The following FLNB variants were observed in gnomAD, a reference collection of about 807,000 sequenced individuals.
The protein encoded by FLNB is filamin B.
In FLNB, 111 loss-of-function variants were observed where a neutral mutation model predicts 250.6. That is an observed-to-expected ratio of 0.44 (90% CI 0.38 to 0.52). The LOEUF (loss-of-function observed/expected upper bound fraction) is 0.52, where lower values mean the gene tolerates loss of function less well. Among genes scored for constraint, FLNB ranks in the 20% least tolerant of loss-of-function variants. The pLI is 0.00. For missense variants in FLNB, 2,869 were observed against 3,447.8 expected (o/e 0.83, Z 4.20); for synonymous variants, 1,302 against 1,372.1 (o/e 0.95, Z 1.13).
At position 58,027,301 on chromosome 3, in the gene FLNB, C is replaced by T. The variant is rs945180223; in HGVS notation, c.292+18445C>T. Among the ~76,000 whole-genome samples the T allele has an allele frequency of 3.4e-5, 5 of 145,722 alleles. No individual in the cohort carries two copies. The Admixed American group carries it at 3.5e-4, about 10-fold the overall frequency. ...CTGAGTAGCTGGGATTACAGGCGTGCACCACTATGCCCAGCTAATTCTTTT... is the reference window on the plus strand; with the variant it reads ...CTGAGTAGCTGGGATTACAGGCGTGTACCACTATGCCCAGCTAATTCTTTT... On this transcript the variant is annotated intron_variant, in intron 1 of 45. Transcript: ENST00000295956.
At position 58,107,011 on chromosome 3, in the gene FLNB, ATTTG is replaced by A. The variant is rs543270582; in HGVS notation, c.1941+170_1941+173del. ...GATTTTAGGAAGGAAACAGGCCTGC[ATTTG>A]TTTGTTTGTTTGTTTGTTTGTTTGT... On this transcript the variant is annotated intron_variant, in intron 12 of 45. Transcript: ENST00000295956. The A allele has an allele frequency of 3.9e-3, 2,789 of 721,082 alleles. 9 individuals carry two copies. Among genetic ancestry groups the A allele is most frequent in the Middle Eastern group, 0.013 (36 of 2,732 alleles). 44.7% of individuals were successfully genotyped at this position (721,082 alleles called of 1,614,324 possible).
chr3:58,153,498 T>A lies in FLNB; in HGVS notation c.6491T>A (p.Val2164Glu). ...CGGTTTGTGCCCCAGGAGATGGGCGTGCACACGGTCAGCGTCAAGTACCGT... is the reference window on the plus strand; with the variant it reads ...CGGTTTGTGCCCCAGGAGATGGGCGAGCACACGGTCAGCGTCAAGTACCGT... ...CVRFVPQEMG[V>E]HTVSVKYRGQ... The change falls in exon 39 of 46, where the codon GTG becomes GAG. Residue 2164 changes from valine to glutamate, a missense_variant. Val to Glu is a moderately radical substitution (Grantham distance 121). Transcript: ENST00000295956. 6.2e-7 allele frequency: 1 copy of A among 1,614,218 alleles called. No homozygotes were observed. Among genetic ancestry groups the A allele is most frequent in the South Asian group, 1.1e-5 (1 of 91,088 alleles).
At chr3:58,044,690 T>TG (rs2097151020) in intron 1 of FLNB, among the ~76,000 whole-genome samples, 1 of 152,174 alleles carries the variant, frequency 6.6e-6, no homozygotes, top group African/African-American at 2.4e-5. Context: ...GCTAGGAAGA[T>TG]ATCAGCTGAA....
At chr3:58,145,882 A>C (rs774287088) in intron 32 of FLNB, 39 bp from the exon 33 acceptor site, 1 of 1,613,886 alleles carries the variant, frequency 6.2e-7, no homozygotes, top group Non-Finnish European at 8.5e-7. Flanking sequence ...TTCACCCCTT[A>C]ATGAGCACCA....
intron 12 of FLNB, among the ~76,000 whole-genome samples, chr3:58,108,178 G>A (rs2097262853): frequency 6.6e-6 from 1 of 152,178 alleles, no homozygotes; most frequent in African/African-American, 2.4e-5. Context: ...TTACAAATTT[G>A]TGTTGGGCTG....
chr3:58,110,914 C>T (rs1300513154), intron 16 of FLNB, among the ~76,000 whole-genome samples: 1 of 152,180 alleles, frequency 6.6e-6, no homozygotes, highest in Non-Finnish European at 1.5e-5. Flanking sequence ...CTTGAGAACA[C>T]TGCTCAATCG....
rs964896876 is a variant in FLNB at position 58,169,066 on chromosome 3, C to T, written c.7417+408C>T. Reference sequence around the variant, plus strand: ...ATACCAAACTATGAAAACCACTTCACAGCCACCACCCAAGGTAACCACCAT... The same window carrying T: ...ATACCAAACTATGAAAACCACTTCATAGCCACCACCCAAGGTAACCACCAT... On this transcript the variant is annotated intron_variant, in intron 44 of 45. Transcript: ENST00000295956. The surrounding 1 kb of genome is among the most constrained non-coding windows in gnomAD (Gnocchi z 4.8). 6.6e-6 allele frequency: 2 copies of T among 303,238 alleles called. No homozygotes were observed. The highest frequency in any genetic ancestry group is 2.2e-5 in the African/African-American group (1 of 46,038). 18.8% of individuals were successfully genotyped at this position (303,238 alleles called of 1,614,324 possible).
chr3:58,068,489 G>A (rs2097189255), intron 1 of FLNB, among the ~76,000 whole-genome samples: 1 of 152,198 alleles, frequency 6.6e-6, no homozygotes, highest in Non-Finnish European at 1.5e-5. Flanking sequence ...TCCTTAACCT[G>A]CTGTCTGGGG....
chr3:58,125,078 G>A (rs1012631887), intron 22 of FLNB, among the ~76,000 whole-genome samples: 3 of 152,130 alleles, frequency 2.0e-5, no homozygotes, highest in African/African-American at 7.2e-5. Context: ...TTATGTGACT[G>A]CAGATAGACG....
chr3:58,096,064 C>T, intron 5 of FLNB, 77 bp from the exon 6 acceptor site: 4 of 1,164,666 alleles, frequency 3.4e-6, no homozygotes, highest in Non-Finnish European at 5.1e-6. Context: ...GCAGCTCCTG[C>T]AGAACCCCTG....
In FLNB at chr3:58,164,462, C is replaced by T. The variant is rs1004628859; in HGVS notation, c.7198+1132C>T. The T allele has an allele frequency of 1.3e-5, 2 of 152,292 alleles. No individual in the cohort carries two copies. The highest frequency in any genetic ancestry group is 4.8e-5 in the African/African-American group (2 of 41,442). The allele number at this position is 152,292 out of a possible 1,614,324, so 9.4% of individuals were successfully genotyped here. A position where few individuals can be genotyped will look rare whatever the true frequency, so the allele number is the denominator to read the frequency against. On this transcript the variant is annotated intron_variant, in intron 43 of 45. Coordinates refer to ENST00000295956, the MANE Select transcript of FLNB (RefSeq NM_001457.4). The surrounding 1 kb of genome is among the most constrained non-coding windows in gnomAD (Gnocchi z 4.0). ...TGAGTCTCTTGTGTGTGTACCCCCA[C>T]CCCGCATAAGGAGAGTGGGATGGAG...
At chr3:58,026,033 C>T (rs757359663) in intron 1 of FLNB, among the ~76,000 whole-genome samples, 1 of 152,222 alleles carries the variant, frequency 6.6e-6, no homozygotes, top group Admixed American at 6.5e-5. Flanking sequence ...GCTTGGTAAA[C>T]GTCAGCTGCT....
intron 33 of FLNB, 124 bp downstream of exon 33, chr3:58,146,173 C>T: frequency 8.9e-7 from 1 of 1,123,280 alleles, no homozygotes. Context: ...TGTCTTTTCT[C>T]TCGTGTAAAT....
chr3:58,016,065 T>A (rs2097105323), intron 1 of FLNB, among the ~76,000 whole-genome samples: 2 of 151,864 alleles, frequency 1.3e-5, no homozygotes, highest in Non-Finnish European at 2.9e-5. Context: ...TGTTTGTTTT[T>A]TTTTTTGAGT....
At chr3:58,093,529 A>G (rs978395276) in intron 4 of FLNB, among the ~76,000 whole-genome samples, 1 of 152,144 alleles carries the variant, frequency 6.6e-6, no homozygotes, top group Admixed American at 6.6e-5. Flanking sequence ...CCTGATTAGA[A>G]CAGAAGATGC....
At chr3:58,110,936 G>A (rs1279344670) in intron 16 of FLNB, among the ~76,000 whole-genome samples, 1 of 152,030 alleles carries the variant, frequency 6.6e-6, no homozygotes. Context: ...TTTCTCTCTG[G>A]CTCCTTACAA....
chr3:58,018,866 T>A (rs772299850), intron 1 of FLNB, among the ~76,000 whole-genome samples: 1 of 149,256 alleles, frequency 6.7e-6, no homozygotes, highest in Non-Finnish European at 1.5e-5. Flanking sequence ...TGGTGGTACA[T>A]GCCTGTCCTA....
chr3:58,169,394 A>G lies in FLNB; in HGVS notation c.7418-196A>G. 3.3e-6 allele frequency: 2 copies of G among 614,536 alleles called. No homozygotes were observed. The highest frequency in any genetic ancestry group is 3.6e-5 in the South Asian group (2 of 55,346). 38.1% of individuals were successfully genotyped at this position (614,536 alleles called of 1,614,324 possible). A position where few individuals can be genotyped will look rare whatever the true frequency, so the allele number is the denominator to read the frequency against. ...GACTCATCCATTTGCCCAGAAAGCCAGATCCTAGTTGTATGGGGGTGGGAT... is the reference window on the plus strand; with the variant it reads ...GACTCATCCATTTGCCCAGAAAGCCGGATCCTAGTTGTATGGGGGTGGGAT... On this transcript the variant is annotated intron_variant, in intron 44 of 45. Coordinates refer to ENST00000295956, the MANE Select transcript of FLNB (RefSeq NM_001457.4). This position sits in a 1 kb window ranked among gnomAD's most constrained non-coding sequence, Gnocchi z 4.8.
rs1553696152 is a variant in FLNB, at chr3:58,100,373, A to ATATAT, written c.1345+1465_1345+1466insTATAT. 4.8e-5 allele frequency among the ~76,000 whole-genome samples: 5 copies of ATATAT among 104,386 alleles called. 1 individual carries two copies. The highest frequency in any genetic ancestry group is 3.4e-4 in the South Asian group (1 of 2,956). The allele number at this position is 104,386 out of a possible 152,430, so 68.5% of individuals were successfully genotyped here. A position where few individuals can be genotyped will look rare whatever the true frequency, so the allele number is the denominator to read the frequency against. ...AATGATTTTACATATGTAAAAAAAA[A>ATATAT]ATATATATATATTTGCAGGGGCGCG... On this transcript the variant is annotated intron_variant, in intron 8 of 45. Coordinates refer to ENST00000295956, the MANE Select transcript of FLNB (RefSeq NM_001457.4).
Sources: allele counts gnomAD v4.1 joint callset (sites outside exome capture counted in the v4.1 genomes callset), GRCh38; gene constraint gnomAD v4.1.1; non-coding constraint Gnocchi (gnomAD v3.1); transcripts MANE v1.5; gene names NCBI Gene and HGNC (gene_info 2026-07-23, HGNC 2026-07-21).